RIOK1: variants seen among roughly 807,000 people sequenced by gnomAD.
The protein encoded by RIOK1 is serine/threonine-protein kinase RIO1.
A neutral mutation model predicts 73.5 loss-of-function variants in RIOK1; 66 were observed. That is an observed-to-expected ratio of 0.90 (90% CI 0.74 to 1.10). RIOK1 has a LOEUF of 1.10. Among genes scored for constraint, RIOK1 ranks in the 50% least tolerant of loss-of-function variants. RIOK1 has a pLI of 0.00. For synonymous variants in RIOK1, 224 were observed against 226.8 expected (o/e 0.99, Z 0.11); for missense variants, 658 against 699.8 (o/e 0.94, Z 0.67).
intron 1 of RIOK1, among the ~76,000 whole-genome samples, chr6:7,391,159 T>C (rs1246346116): frequency 2.6e-5 from 4 of 152,206 alleles, no homozygotes; most frequent in Non-Finnish European, 5.9e-5. Context: ...ATTCATCACA[T>C]GCGGATTTTG....
intron 5 of RIOK1, 22 bp from the exon 6 acceptor site, chr6:7,400,936 T>C: frequency 6.6e-7 from 1 of 1,517,184 alleles, no homozygotes; most frequent in Non-Finnish European, 9.1e-7. Flanking sequence ...TGGAACTTTT[T>C]AATTTTTGCA....
chr6:7,407,891 C>G (rs758749727), intron 12 of RIOK1, among the ~76,000 whole-genome samples: 1 of 152,134 alleles, frequency 6.6e-6, no homozygotes, highest in South Asian at 2.1e-4. Flanking sequence ...TATTCCCATT[C>G]TGTGACTTGT....
intron 4 of RIOK1, 67 bp from the exon 5 acceptor site, chr6:7,398,631 A>G (rs878997391): frequency 2.7e-5 from 32 of 1,177,526 alleles, no homozygotes; most frequent in Middle Eastern, 3.9e-4. Context: ...AATTATCTAC[A>G]TTTAGAAGAT....
At chr6:7,394,169 C>T (rs1293514896) in intron 2 of RIOK1, among the ~76,000 whole-genome samples, 2 of 152,184 alleles carry the variant, frequency 1.3e-5, no homozygotes, top group East Asian at 1.9e-4. Context: ...CGCAGTGGCT[C>T]CTGCCTCTAA....
At chr6:7,402,550 A>G in intron 6 of RIOK1, 53 bp from the exon 7 acceptor site, 1 of 1,336,202 alleles carries the variant, frequency 7.5e-7, no homozygotes, top group South Asian at 1.3e-5. Flanking sequence ...ATAGATTGAA[A>G]AAGTGGTTAT....
intron 9 of RIOK1, 123 bp downstream of exon 9, chr6:7,404,150 G>A (rs1314923215): frequency 7.6e-6 from 6 of 789,880 alleles, no homozygotes; most frequent in Non-Finnish European, 1.3e-5. Flanking sequence ...CTATATTAGT[G>A]AATAAGTGTT....
chr6:7,399,977 G>T (rs1223187025), intron 5 of RIOK1, among the ~76,000 whole-genome samples: 8 of 152,190 alleles, frequency 5.3e-5, no homozygotes. Flanking sequence ...CTCACCCCAT[G>T]GGGGCTAGAG....
At chr6:7,412,868 T>C in intron 14 of RIOK1, 21 bp from the exon 15 acceptor site, 1 of 1,401,150 alleles carries the variant, frequency 7.1e-7, no homozygotes, top group Non-Finnish European at 9.7e-7. Context: ...CTTATTTTTT[T>C]TTTTTCATTT....
In RIOK1 at chr6:7,405,361, A is replaced by T. The variant is rs1243814525; in HGVS notation, c.1203+6A>T. On this transcript the variant is annotated splice_donor_region_variant and intron_variant, in intron 12 of 16. Coordinates refer to ENST00000379834, the MANE Select transcript of RIOK1 (RefSeq NM_031480.3). ...TGGATGCTTATCTCTCAAAGGTAAG[A>T]TGGGGAGAGGAAGGAGGAATAGGAA... The T allele has an allele frequency of 1.1e-5, 16 of 1,515,238 alleles. No individual in the cohort carries two copies. The highest frequency in any genetic ancestry group is 1.3e-5 in the Non-Finnish European group (14 of 1,090,750). 93.9% of individuals were successfully genotyped at this position (1,515,238 alleles called of 1,614,324 possible). A position where few individuals can be genotyped will look rare whatever the true frequency, so the allele number is the denominator to read the frequency against.
Position 7,404,069 on chromosome 6 carries a change from T to C in RIOK1, c.854+42T>C, listed in dbSNP as rs775624060. 7 of 1,313,728 alleles carry C rather than the reference T, an allele frequency of 5.3e-6. No individual in the cohort carries two copies. In the East Asian group the frequency reaches 1.2e-4, roughly 22 times the overall value. 81.4% of individuals were successfully genotyped at this position (1,313,728 alleles called of 1,614,324 possible). Reference sequence around the variant, plus strand: ...GCTAATAATTGCATTCTCAGAACTGTATTTTTAAGTTCTTTGAGTTTATCC... The same window carrying C: ...GCTAATAATTGCATTCTCAGAACTGCATTTTTAAGTTCTTTGAGTTTATCC... On this transcript the variant is annotated intron_variant, in intron 9 of 16. Transcript: ENST00000379834.
chr6:7,390,033 G>A lies in RIOK1; in HGVS notation c.31G>A (p.Val11Met), dbSNP rs963054043. The A allele has an allele frequency of 6.4e-7, 1 of 1,557,760 alleles. No individual in the cohort carries two copies. Among genetic ancestry groups the A allele is most frequent in the East Asian group, 2.4e-5 (1 of 41,192 alleles). Reference sequence around the variant, plus strand: ...CTACCGGCGGCTTCTCATGAGCCGGGTGGTCCCCGGGCAATTCGACGACGC... The same window carrying A: ...CTACCGGCGGCTTCTCATGAGCCGGATGGTCCCCGGGCAATTCGACGACGC... MDYRRLLMSR[V>M]VPGQFDDADS... Residue 11 changes from valine (V) to methionine (M), a missense_variant, in exon 1 of 17, where the codon GTG (valine) becomes ATG (methionine). By Grantham distance (21) the Val-to-Met change is conservative. Transcript: ENST00000379834.
At chr6:7,390,975 C>T (rs575471625) in intron 1 of RIOK1, among the ~76,000 whole-genome samples, 2 of 152,194 alleles carry the variant, frequency 1.3e-5, no homozygotes, top group African/African-American at 4.8e-5. Flanking sequence ...GACTAGAGCC[C>T]AGATCCTAAA....
At chr6:7,407,164 G>A (rs1761766398) in intron 12 of RIOK1, among the ~76,000 whole-genome samples, 1 of 152,180 alleles carries the variant, frequency 6.6e-6, no homozygotes, top group Non-Finnish European at 1.5e-5. Flanking sequence ...AAGTAGAATT[G>A]CTGGATCAAA....
intron 12 of RIOK1, among the ~76,000 whole-genome samples, chr6:7,406,286 GAC>G (rs758994541): frequency 1.5e-4 from 23 of 152,084 alleles, no homozygotes; most frequent in Admixed American, 2.6e-4. Flanking sequence ...TGTGAGCCAC[GAC>G]GCCCGGCCTC....
At chr6:7,396,015 G>T (rs146788523) in intron 3 of RIOK1, among the ~76,000 whole-genome samples, 30 of 152,204 alleles carry the variant, frequency 2.0e-4, no homozygotes, top group African/African-American at 5.8e-4. Flanking sequence ...GCCTGTTTTA[G>T]ATTTTGTAAT....
chr6:7,411,691 A>T (rs961614299), intron 14 of RIOK1: 1 of 425,190 alleles, frequency 2.4e-6, no homozygotes. Flanking sequence ...TAGAAACAAG[A>T]TTCAGATAGA....
Position 7,407,802 on chromosome 6 carries a change from T to C in RIOK1, c.1203+2447T>C, listed in dbSNP as rs549728259. Among the ~76,000 whole-genome samples the C allele has an allele frequency of 1.5e-4, 23 of 152,142 alleles. No homozygotes were observed. The South Asian group carries it at 2.3e-3, about 15-fold the overall frequency. On this transcript the variant is annotated intron_variant, in intron 12 of 16. Coordinates refer to ENST00000379834, the MANE Select transcript of RIOK1 (RefSeq NM_031480.3). ...AGCCACAGTGTCCAGCCCCATGTCT[T>C]TTTTTTAATCAGGTTTGGTTTTTTT...
At chr6:7,395,831 T>A (rs1328845559) in intron 3 of RIOK1, among the ~76,000 whole-genome samples, 1 of 151,838 alleles carries the variant, frequency 6.6e-6, no homozygotes, top group Non-Finnish European at 1.5e-5. Context: ...CACCTTAGCC[T>A]CCCAAGTAGC....
At chr6:7,390,838 A>G (rs1194940446) in intron 1 of RIOK1, among the ~76,000 whole-genome samples, 1 of 152,248 alleles carries the variant, frequency 6.6e-6, no homozygotes. Flanking sequence ...TAGCAGAAGA[A>G]TGACATTATT....
Sources: allele counts gnomAD v4.1 joint callset (sites outside exome capture counted in the v4.1 genomes callset), GRCh38; gene constraint gnomAD v4.1.1; transcripts MANE v1.5; gene names NCBI Gene and HGNC (gene_info 2026-07-23, HGNC 2026-07-21).